Variants in RGL1 observed in about 807,000 individuals in gnomAD.
RGL1 encodes the protein ral guanine nucleotide dissociation stimulator-like 1.
Under a neutral mutation model 95.2 loss-of-function variants are expected in RGL1, and 24 were observed. The observed-to-expected ratio is 0.25, with a 90% CI of 0.18 to 0.35. RGL1 has a LOEUF of 0.35. Among genes scored for constraint, RGL1 ranks in the 10% least tolerant of loss-of-function variants. The pLI, the probability that RGL1 is intolerant of heterozygous loss-of-function variation, is 1.00. For missense variants in RGL1, 715 were observed against 936.3 expected (o/e 0.76, Z 3.08); for synonymous variants, 329 against 344.9 (o/e 0.95, Z 0.51).
chr1:183,677,216 C>T (rs1474754129), intron 1 of RGL1, among the ~76,000 whole-genome samples: 1 of 150,828 alleles, frequency 6.6e-6, no homozygotes, highest in Admixed American at 6.6e-5. Context: ...ATATTTTCCT[C>T]AGTTGTGTGC....
At chr1:183,902,296 T>G (rs1668073929) in intron 11 of RGL1, among the ~76,000 whole-genome samples, 1 of 152,230 alleles carries the variant, frequency 6.6e-6, no homozygotes, top group Admixed American at 6.5e-5. Flanking sequence ...TCTGCAAGTG[T>G]CTTTGGATCC....
At position 183,805,318 on chromosome 1, in the gene RGL1, T is replaced by G. The variant is rs1200168015; in HGVS notation, c.21T>G (p.Ala7=). The change falls in exon 1 of 18, where the codon GCT becomes GCG. Residue 7 remains alanine, a synonymous_variant. Transcript: ENST00000360851. MKLLWQ[A]KMSSIQDWGE... is the part of the protein sequence containing the mutation. ...TGAGAATGAAATTGCTTTGGCAAGC[T>G]AAAATGGTAACGAGAGCTCTCTGCC... 6.2e-7 allele frequency: 1 copy of G among 1,611,686 alleles called. No individual in the cohort carries two copies. The highest frequency in any genetic ancestry group is 2.2e-5 in the East Asian group (1 of 44,868).
chr1:183,772,934 G>A (rs1459054639), intron 2 of RGL1, among the ~76,000 whole-genome samples: 6 of 147,626 alleles, frequency 4.1e-5, no homozygotes, highest in Admixed American at 6.8e-5. Context: ...GCGTGAACCC[G>A]GGAAGCGGAG....
intron 8 of RGL1, among the ~76,000 whole-genome samples, chr1:183,890,026 C>A (rs1339103717): frequency 1.3e-5 from 2 of 152,098 alleles, no homozygotes; most frequent in African/African-American, 4.8e-5. Context: ...ACTTGATAGG[C>A]CCTGGTGAAA....
At chr1:183,839,097 T>C (rs1451298216) in intron 2 of RGL1, among the ~76,000 whole-genome samples, 1 of 152,236 alleles carries the variant, frequency 6.6e-6, no homozygotes, top group Non-Finnish European at 1.5e-5. Context: ...ATTTGCCACA[T>C]GTGCAAGTGC....
chr1:183,924,919 T>C (rs944622185), intron 17 of RGL1, among the ~76,000 whole-genome samples: 7 of 151,962 alleles, frequency 4.6e-5, no homozygotes, highest in Non-Finnish European at 8.8e-5. Context: ...TGAGCTGACA[T>C]TGTGCCACTG....
intron 2 of RGL1, among the ~76,000 whole-genome samples, chr1:183,809,959 A>T (rs1171105741): frequency 3.3e-5 from 5 of 152,142 alleles, no homozygotes; most frequent in African/African-American, 9.7e-5. Context: ...TCTGTCTCTT[A>T]AAAAAAGAAG....
At chr1:183,695,047 G>C (rs1015210674) in intron 1 of RGL1, among the ~76,000 whole-genome samples, 1 of 152,230 alleles carries the variant, frequency 6.6e-6, no homozygotes, top group East Asian at 1.9e-4. Flanking sequence ...AATCACTAAA[G>C]CTCTTGGATG....
intron 1 of RGL1, among the ~76,000 whole-genome samples, chr1:183,666,005 C>CTTTTTTTTTTTT (rs746295660): frequency 7.7e-6 from 1 of 130,716 alleles, no homozygotes; most frequent in Non-Finnish European, 1.6e-5. Context: ...TTCTTTTTTT[C>CTTTTTTTTTTTT]TTTTTTTTTT....
At chr1:183,746,622 A>ATT (rs71130633) in intron 2 of RGL1, among the ~76,000 whole-genome samples, 1 of 144,130 alleles carries the variant, frequency 6.9e-6, no homozygotes, top group African/African-American at 2.6e-5. Context: ...GTATACATGT[A>ATT]TTTTTTTTTT....
At chr1:183,891,337 G>A (rs946137927) in intron 8 of RGL1, among the ~76,000 whole-genome samples, 2 of 152,120 alleles carry the variant, frequency 1.3e-5, no homozygotes, top group African/African-American at 4.8e-5. Flanking sequence ...GTAGTGTCCT[G>A]GAAAGGGAGA....
intron 1 of RGL1, among the ~76,000 whole-genome samples, chr1:183,642,753 A>G (rs1426313272): frequency 6.6e-6 from 1 of 152,242 alleles, no homozygotes; most frequent in Non-Finnish European, 1.5e-5. Flanking sequence ...TAGAGAGACC[A>G]GTAGGTGTCA....
chr1:183,747,401 G>A (rs1226056167), intron 2 of RGL1, among the ~76,000 whole-genome samples: 16 of 152,060 alleles, frequency 1.1e-4, no homozygotes, highest in African/African-American at 3.1e-4. Context: ...GATGATGAGC[G>A]TTTTTTCATG....
At chr1:183,656,528 G>A (rs908596224) in intron 1 of RGL1, among the ~76,000 whole-genome samples, 1 of 152,146 alleles carries the variant, frequency 6.6e-6, no homozygotes, top group Non-Finnish European at 1.5e-5. Context: ...TTCAAATCAG[G>A]GAAATGCCAA....
chr1:183,685,618 T>C (rs1161930971), intron 1 of RGL1, among the ~76,000 whole-genome samples: 1 of 152,194 alleles, frequency 6.6e-6, no homozygotes, highest in Non-Finnish European at 1.5e-5. Context: ...TAGCAGCAGC[T>C]CTAATGTGTA....
At chr1:183,670,646 G>A (rs147676831) in intron 1 of RGL1, among the ~76,000 whole-genome samples, 7 of 152,280 alleles carry the variant, frequency 4.6e-5, no homozygotes, top group South Asian at 2.1e-4. Flanking sequence ...GTATCTGCCT[G>A]TCTCTCTGAT....
intron 2 of RGL1, among the ~76,000 whole-genome samples, chr1:183,832,552 T>G (rs1663332429): frequency 6.6e-6 from 1 of 152,176 alleles, no homozygotes; most frequent in Non-Finnish European, 1.5e-5. Flanking sequence ...TAGAAATGTT[T>G]CCATATTGAT....
intron 1 of RGL1, among the ~76,000 whole-genome samples, chr1:183,694,567 T>C (rs1022818881): frequency 3.9e-5 from 6 of 152,222 alleles, no homozygotes; most frequent in African/African-American, 1.4e-4. Context: ...TCTTTTAGCT[T>C]GTCTGAAAAT....
Position 183,805,225 on chromosome 1 carries a change from C to T in RGL1, c.-73C>T. On this transcript the variant is annotated 5_prime_UTR_variant, in exon 1 of 18. Coordinates refer to ENST00000360851, the MANE Select transcript of RGL1 (RefSeq NM_001297671.3). ...CGGGGCGAGGCGCCGCGGGGCTGAG[C>T]CCAGCAGACATTGCGTTGGCCTCCG... The T allele has an allele frequency of 6.3e-7, 1 of 1,590,050 alleles. No individual in the cohort carries two copies. Among genetic ancestry groups the T allele is most frequent in the Non-Finnish European group, 8.6e-7 (1 of 1,168,872 alleles).
Sources: allele counts gnomAD v4.1 joint callset (sites outside exome capture counted in the v4.1 genomes callset), GRCh38; gene constraint gnomAD v4.1.1; transcripts MANE v1.5; gene names NCBI Gene and HGNC (gene_info 2026-07-23, HGNC 2026-07-21).